DLGAP2: variants seen among roughly 807,000 people sequenced by gnomAD.
DLGAP2 encodes disks large-associated protein 2.
In DLGAP2, 26 loss-of-function variants were observed where a neutral mutation model predicts 100.3. That is an observed-to-expected ratio of 0.26 (90% CI 0.19 to 0.36). The LOEUF is 0.36. DLGAP2 is among the 10% of genes least tolerant of loss of function. The probability of loss-of-function intolerance (pLI) is 1.00; values close to 1 mark genes in which losing one functional copy is unlikely to be tolerated. For missense variants in DLGAP2, 1,858 were observed against 1,453.2 expected, an observed-to-expected ratio of 1.28 and a Z score of -4.53; for synonymous variants, 886 against 630.1, an observed-to-expected ratio of 1.41 and a Z score of -6.08.
intron 2 of DLGAP2, among the ~76,000 whole-genome samples, chr8:1,022,999 A>T (rs923274348): frequency 3.3e-5 from 5 of 152,100 alleles, no homozygotes; most frequent in African/African-American, 9.7e-5. Context: ...AGAACATTAA[A>T]CTCGCATGTA....
chr8:880,760 C>G (rs770336926), intron 1 of DLGAP2, among the ~76,000 whole-genome samples: 5 of 152,234 alleles, frequency 3.3e-5, no homozygotes, highest in Non-Finnish European at 5.9e-5. Flanking sequence ...TGGGTCCTTT[C>G]TCTCCTGAGA....
At chr8:1,339,643 A>G (rs992387061) in intron 3 of DLGAP2, among the ~76,000 whole-genome samples, 5 of 152,214 alleles carry the variant, frequency 3.3e-5, no homozygotes, top group African/African-American at 1.2e-4. Flanking sequence ...TATCTCATGT[A>G]ATCCTGTGCA....
At position 1,032,418 on chromosome 8, in the gene DLGAP2, G is replaced by A. The variant is rs957925032; in HGVS notation, c.73+124452G>A. 3.3e-5 allele frequency among the ~76,000 whole-genome samples: 5 copies of A among 152,326 alleles called. No individual in the cohort carries two copies. The East Asian group carries it at 5.8e-4, about 18-fold the overall frequency. On this transcript the variant is annotated intron_variant, in intron 2 of 14. Transcript: ENST00000637795. ...GTGGAAGCATCCATCTTGAGCCAGC[G>A]CACGATGGAGAAACGTTTGGACACC...
chr8:1,496,574 G>T (rs1266713990), intron 3 of DLGAP2, among the ~76,000 whole-genome samples: 2 of 152,134 alleles, frequency 1.3e-5, no homozygotes, highest in Non-Finnish European at 2.9e-5. Context: ...GCAAAGGAAG[G>T]CAAACGTGGC....
At chr8:1,224,087 T>A in intron 2 of DLGAP2, among the ~76,000 whole-genome samples, 1 of 152,230 alleles carries the variant, frequency 6.6e-6, no homozygotes, top group Non-Finnish European at 1.5e-5. Flanking sequence ...GTTTGTGGCA[T>A]CGTGGCAGAC....
At chr8:1,190,047 C>T (rs1235007645) in intron 2 of DLGAP2, among the ~76,000 whole-genome samples, 1 of 152,184 alleles carries the variant, frequency 6.6e-6, no homozygotes, top group Admixed American at 6.5e-5. Context: ...TGAGAGTTGG[C>T]AGGCTAATTA....
Position 1,317,651 on chromosome 8 carries a change from C to T in DLGAP2, c.106+58768C>T, listed in dbSNP as rs368499780. On this transcript the variant is annotated intron_variant, in intron 3 of 14. Coordinates refer to ENST00000637795, the MANE Select transcript of DLGAP2 (RefSeq NM_001346810.2). ...GGTCTACACTCGAGACACTCGGCAGCGTTTAAAAATAGAGCGTGTGCGAGT... is the reference window on the plus strand; with the variant it reads ...GGTCTACACTCGAGACACTCGGCAGTGTTTAAAAATAGAGCGTGTGCGAGT... Among the ~76,000 whole-genome samples the T allele has an allele frequency of 9.1e-4, 118 of 130,212 alleles. No homozygotes were observed. In the East Asian group the frequency reaches 0.013, roughly 14 times the overall value. 85.4% of individuals were successfully genotyped at this position (130,212 alleles called of 152,430 possible).
intron 8 of DLGAP2, among the ~76,000 whole-genome samples, chr8:1,662,833 G>A (rs1236068178): frequency 4.6e-5 from 7 of 151,392 alleles, no homozygotes; most frequent in Admixed American, 3.9e-4. Context: ...ATGTGTGAGT[G>A]TGGGGAATGT....
intron 3 of DLGAP2, among the ~76,000 whole-genome samples, chr8:1,271,298 C>A (rs997050668): frequency 6.6e-6 from 1 of 152,168 alleles, no homozygotes; most frequent in Non-Finnish European, 1.5e-5. Flanking sequence ...GGCATCTGGA[C>A]TCCTCAGCCG....
chr8:1,598,069 A>G (rs1021770311), intron 6 of DLGAP2, among the ~76,000 whole-genome samples: 2 of 152,238 alleles, frequency 1.3e-5, no homozygotes, highest in Non-Finnish European at 2.9e-5. Flanking sequence ...AGCTTTTAGC[A>G]TGAAGCAGTG....
At chr8:1,224,503 A>G (rs1433850368) in intron 2 of DLGAP2, among the ~76,000 whole-genome samples, 3 of 152,206 alleles carry the variant, frequency 2.0e-5, no homozygotes, top group Admixed American at 1.3e-4. Context: ...GTGAAAGAGT[A>G]GACCAGAAAT....
chr8:1,278,338 C>G (rs1440901389), intron 3 of DLGAP2, among the ~76,000 whole-genome samples: 1 of 152,196 alleles, frequency 6.6e-6, no homozygotes, highest in Non-Finnish European at 1.5e-5. Flanking sequence ...TTGAAAGAGC[C>G]TCAGCTCTCT....
At chr8:868,928 G>T (rs549588932) in intron 1 of DLGAP2, among the ~76,000 whole-genome samples, 2 of 152,328 alleles carry the variant, frequency 1.3e-5, no homozygotes, top group Admixed American at 6.5e-5. Context: ...CCACAATGAA[G>T]TGAATATGTG....
At chr8:958,582 C>CAAAAAAAAA (rs1207044026) in intron 2 of DLGAP2, among the ~76,000 whole-genome samples, 1 of 85,740 alleles carries the variant, frequency 1.2e-5, no homozygotes, top group Non-Finnish European at 2.5e-5. Flanking sequence ...ACTAGACCTC[C>CAAAAAAAAA]AAAAAAAAAA....
At chr8:1,411,116 G>C (rs1309912535) in intron 3 of DLGAP2, among the ~76,000 whole-genome samples, 1 of 152,112 alleles carries the variant, frequency 6.6e-6, no homozygotes, top group Non-Finnish European at 1.5e-5. Context: ...TTCAGTCGTG[G>C]TCTCTTGTTC....
At chr8:1,415,514 C>T (rs138762873) in intron 3 of DLGAP2, among the ~76,000 whole-genome samples, 10 of 152,204 alleles carry the variant, frequency 6.6e-5, no homozygotes, top group African/African-American at 2.4e-4. Flanking sequence ...CCTTTATGTC[C>T]ACGTGTGCCC....
chr8:1,283,027 C>T lies in DLGAP2; in HGVS notation c.106+24144C>T, dbSNP rs1389075514. On this transcript the variant is annotated intron_variant, in intron 3 of 14. Coordinates refer to ENST00000637795, the MANE Select transcript of DLGAP2 (RefSeq NM_001346810.2). ...ATACGGACATGGTGTGACCTGAGCC[C>T]AGCACGTGAACCATCTGGACATGGT... 2.4e-3 allele frequency among the ~76,000 whole-genome samples: 322 copies of T among 132,146 alleles called. 1 individual carries two copies. Among genetic ancestry groups the T allele is most frequent in the Non-Finnish European group, 3.7e-3 (234 of 62,608 alleles). 86.7% of individuals were successfully genotyped at this position (132,146 alleles called of 152,430 possible). A position where few individuals can be genotyped will look rare whatever the true frequency, so the allele number is the denominator to read the frequency against.
intron 1 of DLGAP2, among the ~76,000 whole-genome samples, chr8:795,226 T>G (rs1394959741): frequency 2.0e-5 from 3 of 152,204 alleles, no homozygotes; most frequent in Non-Finnish European, 4.4e-5. Context: ...CAGGGCAATT[T>G]TGTCAATCAA....
chr8:1,246,122 A>G (rs1347311958), intron 2 of DLGAP2, among the ~76,000 whole-genome samples: 1 of 152,238 alleles, frequency 6.6e-6, no homozygotes, highest in East Asian at 1.9e-4. Context: ...TGTCATGAAT[A>G]GGATTCCCAT....
Sources: allele counts gnomAD v4.1 joint callset (sites outside exome capture counted in the v4.1 genomes callset), GRCh38; gene constraint gnomAD v4.1.1; transcripts MANE v1.5; gene names NCBI Gene and HGNC (gene_info 2026-07-23, HGNC 2026-07-21).